The following RC3H1 variants were observed in gnomAD, a reference collection of about 807,000 sequenced individuals.
The protein encoded by RC3H1 is ring finger and CCCH-type domains 1.
In RC3H1, 50 loss-of-function variants were observed where a neutral mutation model predicts 138.2. That is an observed-to-expected ratio of 0.36 (90% CI 0.29 to 0.46). The LOEUF is 0.46. Among genes scored for constraint, RC3H1 ranks in the 20% least tolerant of loss-of-function variants. The probability of loss-of-function intolerance (pLI) is 1.00; values close to 1 mark genes in which losing one functional copy is unlikely to be tolerated. For synonymous variants in RC3H1, 462 were observed against 489.1 expected (o/e 0.94, Z 0.73); for missense variants, 1,031 against 1,388.1 (o/e 0.74, Z 4.09).
chr1:173,953,036 G>A lies in RC3H1; in HGVS notation c.2371-898C>T, dbSNP rs188648545. 4.6e-5 allele frequency among the ~76,000 whole-genome samples: 7 copies of A among 152,032 alleles called. No homozygotes were observed. In the East Asian group the frequency reaches 1.4e-3, roughly 29 times the overall value. ...TCATTTAAGTGGATCTATGCCTCCC[G>A]CTATACTAAAAACATCTCTTTTCTG... On this transcript the variant is annotated intron_variant, in intron 13 of 19. Transcript: ENST00000367696.
chr1:173,961,762 G>A lies in RC3H1; in HGVS notation c.2165C>T (p.Ala722Val). Reference sequence around the variant, plus strand: ...AGGTCTGATCTGAGTTGGATGAGGAGCCACTGGATAGTAACTCTCGATCTG... The same window carrying A: ...AGGTCTGATCTGAGTTGGATGAGGAACCACTGGATAGTAACTCTCGATCTG... ...YQQIESYYPV[A>V]PHPTQIRPSY... The change falls in exon 12 of 20, where the codon GCT becomes GTT. Residue 722 changes from alanine to valine, a missense_variant. This residue lies in a region of RC3H1 where 716 missense variants were observed against 837.9 expected (regional missense o/e 0.85). Coordinates refer to ENST00000367696, the MANE Select transcript of RC3H1 (RefSeq NM_172071.4). 6.2e-7 allele frequency: 1 copy of A among 1,612,760 alleles called. No individual in the cohort carries two copies. The highest frequency in any genetic ancestry group is 8.5e-7 in the Non-Finnish European group (1 of 1,179,994).
At chr1:174,018,042 T>A (rs1661895015) in intron 1 of RC3H1, among the ~76,000 whole-genome samples, 1 of 151,898 alleles carries the variant, frequency 6.6e-6, no homozygotes, top group South Asian at 2.1e-4. Flanking sequence ...ATGCTATCTC[T>A]ATAAAAATAA....
chr1:173,977,327 G>A (rs1232102667), intron 7 of RC3H1, among the ~76,000 whole-genome samples: 1 of 152,096 alleles, frequency 6.6e-6, no homozygotes, highest in African/African-American at 2.4e-5. Context: ...GGCTCTCAAA[G>A]GAATTAATTA....
At chr1:173,948,973 T>G (rs147622771) in intron 14 of RC3H1, among the ~76,000 whole-genome samples, 51 of 152,162 alleles carry the variant, frequency 3.4e-4, no homozygotes, top group African/African-American at 1.1e-3. Flanking sequence ...CCTTTCCTTT[T>G]GAAAGCCAAG....
chr1:173,966,048 G>A (rs1232884100), intron 9 of RC3H1, among the ~76,000 whole-genome samples: 1 of 151,938 alleles, frequency 6.6e-6, no homozygotes, highest in East Asian at 1.9e-4. Context: ...AGGTTGAGGC[G>A]GGAGGATCAC....
chr1:173,935,753 G>A lies in RC3H1; in HGVS notation c.*2968C>T, dbSNP rs1444402323. The A allele has an allele frequency of 6.6e-6, 1 of 152,170 alleles. No individual in the cohort carries two copies. Among genetic ancestry groups the A allele is most frequent in the Admixed American group, 6.5e-5 (1 of 15,284 alleles). The allele number at this position is 152,170 out of a possible 1,614,324, so 9.4% of individuals were successfully genotyped here. ...CAAAAAACAAATTTTGGGGGTGTTA[G>A]TGAATTCCTAAAACCGCTGATGAGC... On this transcript the variant is annotated 3_prime_UTR_variant, in exon 20 of 20. Coordinates refer to ENST00000367696, the MANE Select transcript of RC3H1 (RefSeq NM_172071.4).
intron 13 of RC3H1, among the ~76,000 whole-genome samples, chr1:173,957,778 T>G (rs1366508462): frequency 6.6e-6 from 1 of 151,970 alleles, no homozygotes; most frequent in Non-Finnish European, 1.5e-5. Flanking sequence ...CTCAGACTGG[T>G]CTTGAACTCC....
Position 174,022,159 on chromosome 1 carries a change from G to A in RC3H1, c.-214C>T, listed in dbSNP as rs933211509. On this transcript the variant is annotated 5_prime_UTR_variant, in exon 1 of 20. Transcript: ENST00000367696. The surrounding 1 kb of genome is among the most constrained non-coding windows in gnomAD (Gnocchi z 4.2). The stretch of plus-strand genomic sequence containing the variant: ...CCCCGCGGCCGTCGCCACCGCCGCG[G>A]CAGCCGCCGCCGCCGCCGAGGCCAC... 3 of 395,336 alleles carry A rather than the reference G, an allele frequency of 7.6e-6. No homozygotes were observed. The highest frequency in any genetic ancestry group is 8.9e-6 in the Non-Finnish European group (2 of 224,388). 24.5% of individuals were successfully genotyped at this position (395,336 alleles called of 1,614,324 possible). A position where few individuals can be genotyped will look rare whatever the true frequency, so the allele number is the denominator to read the frequency against.
chr1:173,933,192 C>T lies in RC3H1; in HGVS notation c.*5529G>A, dbSNP rs920781081. ...CTTATTTTCTTGTGAAAATAAAGTTCGTTCTCTAGGGATGTTTCAGGGATA... is the reference window on the plus strand; with the variant it reads ...CTTATTTTCTTGTGAAAATAAAGTTTGTTCTCTAGGGATGTTTCAGGGATA... On this transcript the variant is annotated 3_prime_UTR_variant, in exon 20 of 20. Coordinates refer to ENST00000367696, the MANE Select transcript of RC3H1 (RefSeq NM_172071.4). 4 of 151,958 alleles carry T rather than the reference C, an allele frequency of 2.6e-5. No individual in the cohort carries two copies. The highest frequency in any genetic ancestry group is 9.7e-5 in the African/African-American group (4 of 41,394). 9.4% of individuals were successfully genotyped at this position (151,958 alleles called of 1,614,324 possible).
rs148964117 is a variant in RC3H1 at position 173,977,487 on chromosome 1, G to T, written c.1102+1001C>A. ...ACCTCAGAGAATGAGGTCATTATCA[G>T]AAAGAGGAAACATTAAAGGAAGAGC... On this transcript the variant is annotated intron_variant, in intron 7 of 19. Coordinates refer to ENST00000367696, the MANE Select transcript of RC3H1 (RefSeq NM_172071.4). Among the ~76,000 whole-genome samples, 938 of 152,306 alleles carry T rather than the reference G, an allele frequency of 6.2e-3. 5 individuals are homozygous for T. The highest frequency in any genetic ancestry group is 0.01 in the Non-Finnish European group (709 of 68,012).
chr1:173,984,608 C>A lies in RC3H1; in HGVS notation c.243G>T (p.Gln81His), dbSNP rs1660949688. Residue 81 changes from glutamine to histidine, a missense_variant, in exon 3 of 20, where the codon CAG (glutamine) becomes CAT (histidine). Physicochemically the swap from Gln to His is conservative, Grantham distance 24 (BLOSUM62 0). This residue lies in a region of RC3H1 where 80 missense variants were observed against 81.1 expected (regional missense o/e 0.99). Transcript: ENST00000367696. ...CCCCACTACACAAAGTAATAGGCTG[C>A]TGCTCAGGGACCTGGAGGCCAAAAG... The part of the protein sequence containing the change: ...LQLVGAQVPE[Q>H]QPITLCSGVE... 1 of 1,612,562 alleles carries A rather than the reference C, an allele frequency of 6.2e-7. No homozygotes were observed. Among genetic ancestry groups the A allele is most frequent in the South Asian group, 1.1e-5 (1 of 90,736 alleles).
intron 1 of RC3H1, among the ~76,000 whole-genome samples, chr1:174,012,345 A>G (rs1269959634): frequency 6.6e-6 from 1 of 152,208 alleles, no homozygotes; most frequent in Non-Finnish European, 1.5e-5. Flanking sequence ...TTAAAGAATT[A>G]TAAATAATAT....
At chr1:173,999,210 G>C (rs1297195425) in intron 1 of RC3H1, among the ~76,000 whole-genome samples, 2 of 152,004 alleles carry the variant, frequency 1.3e-5, no homozygotes, top group Non-Finnish European at 1.5e-5. Context: ...CCAACATAGA[G>C]AAACCCTGTC....
At chr1:174,008,642 T>C (rs1661695505) in intron 1 of RC3H1, among the ~76,000 whole-genome samples, 1 of 152,210 alleles carries the variant, frequency 6.6e-6, no homozygotes, top group South Asian at 2.1e-4. Flanking sequence ...TATTATTTTA[T>C]CTTTATATAA....
Position 173,938,675 on chromosome 1 carries a change from G to A in RC3H1, c.*46C>T, listed in dbSNP as rs766148759. 106 of 1,479,516 alleles carry A rather than the reference G, an allele frequency of 7.2e-5. No individual in the cohort carries two copies. Among genetic ancestry groups the A allele is most frequent in the Non-Finnish European group, 9.6e-5 (105 of 1,091,568 alleles). The allele number at this position is 1,479,516 out of a possible 1,614,324, so 91.6% of individuals were successfully genotyped here. Reference sequence around the variant, plus strand: ...TATGCGTTCTCCTACCCCTATGCCCGACAAACTGATTAGGAGCAGAAGATA... The same window carrying A: ...TATGCGTTCTCCTACCCCTATGCCCAACAAACTGATTAGGAGCAGAAGATA... On this transcript the variant is annotated 3_prime_UTR_variant, in exon 20 of 20. Transcript: ENST00000367696.
chr1:174,011,752 T>TCATATAGTAA (rs1407498495), intron 1 of RC3H1, among the ~76,000 whole-genome samples: 1 of 152,188 alleles, frequency 6.6e-6, no homozygotes, highest in African/African-American at 2.4e-5. Flanking sequence ...AGATGCAAGT[T>TCATATAGTAA]CATATAGTAA....
At chr1:173,975,501 A>G (rs985859707) in intron 7 of RC3H1, among the ~76,000 whole-genome samples, 3 of 152,064 alleles carry the variant, frequency 2.0e-5, no homozygotes, top group Non-Finnish European at 4.4e-5. Context: ...TGTGCCAACA[A>G]AGAAAAAAAA....
rs558989871 is a variant in RC3H1, at chr1:173,937,250, T to G, written c.*1471A>C. On this transcript the variant is annotated 3_prime_UTR_variant, in exon 20 of 20. Transcript: ENST00000367696. ...CACAGAGCTTAGACTGAGGTTGTTA[T>G]GACCTCAGCAGGAGTTAAGGGTTAA... 6.6e-6 allele frequency: 1 copy of G among 152,496 alleles called. No homozygotes were observed. Among genetic ancestry groups the G allele is most frequent in the South Asian group, 2.1e-4 (1 of 4,820 alleles). 9.4% of individuals were successfully genotyped at this position (152,496 alleles called of 1,614,324 possible).
At position 173,961,224 on chromosome 1, in the gene RC3H1, A is replaced by G. The variant is rs575558704; in HGVS notation, c.2223T>C (p.Leu741=). 6.2e-7 allele frequency: 1 copy of G among 1,613,088 alleles called. No individual in the cohort carries two copies. The highest frequency in any genetic ancestry group is 2.2e-5 in the East Asian group (1 of 44,872). The change falls in exon 13 of 20, where the codon CTT becomes CTC. Residue 741 remains leucine, a synonymous_variant. Coordinates refer to ENST00000367696, the MANE Select transcript of RC3H1 (RefSeq NM_172071.4). ...TAGGATGAGGCTGGGGAGGAGGAGGAAGCCGGCTATAAGGAGGTTCCTAAA... is the reference window on the plus strand; with the variant it reads ...TAGGATGAGGCTGGGGAGGAGGAGGGAGCCGGCTATAAGGAGGTTCCTAAA... ...SYLREPPYSR[L]PPPPQPHPSL... is the part of the protein sequence containing the mutation.
Sources: allele counts gnomAD v4.1 joint callset (sites outside exome capture counted in the v4.1 genomes callset), GRCh38; gene constraint gnomAD v4.1.1; regional missense constraint gnomAD v4.1.1; non-coding constraint Gnocchi (gnomAD v3.1); transcripts MANE v1.5; gene names NCBI Gene and HGNC (gene_info 2026-07-23, HGNC 2026-07-21).